The following ITPR2 variants were observed in gnomAD, a reference collection of about 807,000 sequenced individuals.
ITPR2 encodes the protein inositol 1,4,5-trisphosphate receptor type 2.
In ITPR2, 207 loss-of-function variants were observed where a neutral mutation model predicts 317.1. The ratio of observed to expected loss-of-function variants is 0.65; its 90% CI spans 0.58 to 0.73. The LOEUF is 0.73. ITPR2 is among the 30% of genes least tolerant of loss of function. The probability of loss-of-function intolerance (pLI) is 0.00; values close to 1 mark genes in which losing one functional copy is unlikely to be tolerated. For missense variants in ITPR2, 2,613 were observed against 3,284.0 expected (o/e 0.80, Z 4.99); for synonymous variants, 1,156 against 1,149.1 (o/e 1.01, Z -0.12).
intron 31 of ITPR2, 60 bp downstream of exon 31, chr12:26,596,823 G>A (rs543540995): frequency 1.6e-5 from 23 of 1,439,062 alleles, no homozygotes; most frequent in East Asian, 1.2e-4. Context: ...CTGGCACCTA[G>A]ATAAACTTCA....
chr12:26,772,388 A>T (rs1320858021), intron 2 of ITPR2, among the ~76,000 whole-genome samples: 2 of 134,136 alleles, frequency 1.5e-5, no homozygotes, highest in Admixed American at 1.6e-4. Context: ...ACCTTGTGTT[A>T]TATTATATAT....
At chr12:26,657,190 T>C (rs928897344) in intron 18 of ITPR2, among the ~76,000 whole-genome samples, 13 of 152,220 alleles carry the variant, frequency 8.5e-5, no homozygotes, top group African/African-American at 2.9e-4. Context: ...TTGCTCCCAA[T>C]ATATTGACCA....
At chr12:26,585,030 G>C (rs192593420) in intron 32 of ITPR2, among the ~76,000 whole-genome samples, 4 of 151,962 alleles carry the variant, frequency 2.6e-5, no homozygotes, top group African/African-American at 9.7e-5. Context: ...CTTAGAATTC[G>C]AAATTCTTTT....
intron 6 of ITPR2, 143 bp downstream of exon 6, chr12:26,716,001 C>T: frequency 1.4e-6 from 1 of 702,978 alleles, no homozygotes; most frequent in East Asian, 2.7e-5. Context: ...AATAACTAAT[C>T]ACAGCTATAT....
intron 45 of ITPR2, among the ~76,000 whole-genome samples, chr12:26,471,096 A>G (rs1370175329): frequency 6.6e-6 from 1 of 152,196 alleles, no homozygotes; most frequent in African/African-American, 2.4e-5. Context: ...CTCTTGCCTT[A>G]TGATCCAGGA....
At chr12:26,436,720 G>T (rs1186534521) in intron 47 of ITPR2, among the ~76,000 whole-genome samples, 2 of 151,774 alleles carry the variant, frequency 1.3e-5, no homozygotes, top group Non-Finnish European at 2.9e-5. Context: ...TGTATAATTT[G>T]GTAATATTGA....
chr12:26,627,623 T>A (rs1946650997), intron 23 of ITPR2, among the ~76,000 whole-genome samples: 1 of 152,184 alleles, frequency 6.6e-6, no homozygotes, highest in African/African-American at 2.4e-5. Flanking sequence ...TACATTTTTG[T>A]CTCGTAAAAA....
intron 37 of ITPR2, among the ~76,000 whole-genome samples, chr12:26,541,903 C>T (rs1944273435): frequency 6.6e-6 from 1 of 151,742 alleles, no homozygotes; most frequent in Admixed American, 6.6e-5. Flanking sequence ...AAAAAGAGGA[C>T]ATCTTAAAAA....
intron 55 of ITPR2, among the ~76,000 whole-genome samples, chr12:26,347,870 G>A (rs1479025350): frequency 1.2e-4 from 18 of 152,314 alleles, no homozygotes; most frequent in Admixed American, 1.1e-3. Flanking sequence ...TTTGTAGAAT[G>A]CTCTGAAACA....
intron 55 of ITPR2, among the ~76,000 whole-genome samples, chr12:26,372,729 T>C (rs1484164999): frequency 2.0e-5 from 3 of 152,224 alleles, no homozygotes; most frequent in African/African-American, 4.8e-5. Flanking sequence ...GGTTATCTTA[T>C]TATATATCTG....
At chr12:26,585,983 CT>C (rs1945515614) in intron 32 of ITPR2, among the ~76,000 whole-genome samples, 1 of 151,962 alleles carries the variant, frequency 6.6e-6, no homozygotes, top group South Asian at 2.1e-4. Flanking sequence ...GGTTTATTAA[CT>C]TTTTGTATTT....
chr12:26,664,122 AG>A (rs550560223), intron 14 of ITPR2, among the ~76,000 whole-genome samples: 42 of 152,342 alleles, frequency 2.8e-4, no homozygotes, highest in African/African-American at 9.6e-4. Flanking sequence ...AGAAATATGA[AG>A]ATGTTCAATT....
At chr12:26,396,941 C>G (rs1240628880) in intron 54 of ITPR2, among the ~76,000 whole-genome samples, 1 of 152,172 alleles carries the variant, frequency 6.6e-6, no homozygotes, top group Non-Finnish European at 1.5e-5. Flanking sequence ...TATTTCTTGA[C>G]TCTGCCTTCT....
intron 2 of ITPR2, among the ~76,000 whole-genome samples, chr12:26,726,452 T>G (rs970919487): frequency 3.9e-5 from 6 of 152,184 alleles, no homozygotes. Flanking sequence ...AACTCAACAG[T>G]TTCGCCACAT....
intron 2 of ITPR2, among the ~76,000 whole-genome samples, chr12:26,744,585 C>T (rs531247762): frequency 6.6e-6 from 1 of 152,284 alleles, no homozygotes; most frequent in South Asian, 2.1e-4. Context: ...TGAATGTTTC[C>T]TGAATCAATG....
intron 21 of ITPR2, among the ~76,000 whole-genome samples, chr12:26,652,135 A>T (rs1168011258): frequency 6.6e-6 from 1 of 152,154 alleles, no homozygotes; most frequent in Non-Finnish European, 1.5e-5. Context: ...CCCTTTGCAC[A>T]CGATCCCTTT....
At chr12:26,619,994 A>C (rs1247110243) in intron 26 of ITPR2, among the ~76,000 whole-genome samples, 1 of 152,176 alleles carries the variant, frequency 6.6e-6, no homozygotes, top group Non-Finnish European at 1.5e-5. Context: ...CTGATTCCAA[A>C]ACCCATGCTA....
chr12:26,651,397 A>G (rs1186384226), intron 21 of ITPR2, among the ~76,000 whole-genome samples: 3 of 152,162 alleles, frequency 2.0e-5, no homozygotes, highest in East Asian at 1.9e-4. Flanking sequence ...TTTAATCTGT[A>G]TTGGTAAAAA....
chr12:26,445,020 T>C (rs915552656), intron 45 of ITPR2, among the ~76,000 whole-genome samples: 1 of 152,150 alleles, frequency 6.6e-6, no homozygotes, highest in African/African-American at 2.4e-5. Context: ...TCTAAAAATC[T>C]CAATCAGTTT....
Sources: allele counts gnomAD v4.1 joint callset (sites outside exome capture counted in the v4.1 genomes callset), GRCh38; gene constraint gnomAD v4.1.1; transcripts MANE v1.5; gene names NCBI Gene and HGNC (gene_info 2026-07-23, HGNC 2026-07-21).